The following TENM3 variants were observed in gnomAD, a reference collection of about 807,000 sequenced individuals.
TENM3 encodes teneurin-3.
In TENM3, 63 loss-of-function variants were observed where a neutral mutation model predicts 255.1. That is an observed-to-expected ratio of 0.25 (90% confidence interval 0.20 to 0.30). The LOEUF is 0.30. Among genes scored for constraint, TENM3 ranks in the 10% least tolerant of loss-of-function variants. The pLI, the probability that TENM3 is intolerant of heterozygous loss-of-function variation, is 1.00. For missense variants in TENM3, 2,929 were observed against 3,461.1 expected (o/e 0.85, Z 3.86); for synonymous variants, 1,306 against 1,322.3 (o/e 0.99, Z 0.27).
chr4:181,506,644 C>A, the TENM3 span, among the ~76,000 whole-genome samples: 2 of 151,544 alleles, frequency 1.3e-5, no homozygotes, highest in African/African-American at 4.8e-5. Context: ...CAGTGCCTCA[C>A]CATGCATGTC....
chr4:181,920,687 T>A, the TENM3 span, among the ~76,000 whole-genome samples: 7 of 151,912 alleles, frequency 4.6e-5, no homozygotes, highest in African/African-American at 1.7e-4. Flanking sequence ...GTAGGTTGCC[T>A]GTTCACTCTG....
the TENM3 span, chr4:181,980,362 G>C: frequency 5.9e-5 from 9 of 152,118 alleles, no homozygotes; most frequent in Non-Finnish European, 1.2e-4. Flanking sequence ...GTCTGGAAGG[G>C]GAGTCCAGGC....
At chr4:182,151,044 G>A (rs1026274415) in intron 1 of TENM3, among the ~76,000 whole-genome samples, 1 of 152,104 alleles carries the variant, frequency 6.6e-6, no homozygotes, top group Non-Finnish European at 1.5e-5. Context: ...CCCCCTCTCT[G>A]CATAAGGAGG....
At chr4:182,381,301 C>T (rs1488075465) in intron 3 of TENM3, among the ~76,000 whole-genome samples, 1 of 152,130 alleles carries the variant, frequency 6.6e-6, no homozygotes, top group African/African-American at 2.4e-5. Context: ...CTGACCACTC[C>T]AGTTAGTTAT....
At chr4:182,733,865 C>G (rs1052284021) in intron 16 of TENM3, among the ~76,000 whole-genome samples, 4 of 152,274 alleles carry the variant, frequency 2.6e-5, no homozygotes, top group Admixed American at 1.3e-4. Context: ...ATAGACTTTA[C>G]CTAGAGTCAG....
At position 182,397,398 on chromosome 4, in the gene TENM3, T is replaced by TAAAAAAAAAAAAA. The variant is rs144177808; in HGVS notation, c.511+50488_511+50500dup. Among the ~76,000 whole-genome samples, 43 of 48,978 alleles carry TAAAAAAAAAAAAA rather than the reference T, an allele frequency of 8.8e-4. 2 individuals carry two copies. Among genetic ancestry groups the TAAAAAAAAAAAAA allele is most frequent in the Non-Finnish European group, 1.5e-3 (38 of 25,978 alleles). The allele number at this position is 48,978 out of a possible 152,430, so 32.1% of individuals were successfully genotyped here. A position where few individuals can be genotyped will look rare whatever the true frequency, so the allele number is the denominator to read the frequency against. On this transcript the variant is annotated intron_variant, in intron 3 of 27. Coordinates refer to ENST00000511685, the MANE Select transcript of TENM3 (RefSeq NM_001080477.4). ...CCTGGTGACAGAGCGAGACTCCATCTAAAAAAAAAAAAAAAAAAAAAAAAA... is the reference window on the plus strand; with the variant it reads ...CCTGGTGACAGAGCGAGACTCCATCTAAAAAAAAAAAAAAAAAAAAAAAAAAAAAAAAAAAAAA...
At chr4:181,545,845 T>G in the TENM3 span, among the ~76,000 whole-genome samples, 119 of 150,264 alleles carry the variant, frequency 7.9e-4, 2 homozygotes, top group Non-Finnish European at 4.4e-5. Flanking sequence ...TACTTTGATT[T>G]GAAGAAAGAA....
intron 24 of TENM3, among the ~76,000 whole-genome samples, chr4:182,780,069 A>C (rs1333403111): frequency 6.6e-6 from 1 of 151,392 alleles, no homozygotes; most frequent in Non-Finnish European, 1.5e-5. Context: ...ATTAGATCCC[A>C]TTTGTCAATT....
the TENM3 span, among the ~76,000 whole-genome samples, chr4:182,089,089 G>A: frequency 6.6e-6 from 1 of 152,134 alleles, no homozygotes; most frequent in Non-Finnish European, 1.5e-5. Context: ...ACTGGGAAGT[G>A]GGCCCTCACC....
At chr4:182,321,836 T>C (rs1338836351) in intron 1 of TENM3, among the ~76,000 whole-genome samples, 1 of 151,240 alleles carries the variant, frequency 6.6e-6, no homozygotes, top group Non-Finnish European at 1.5e-5. Context: ...TCCCAGTTAC[T>C]TGGGAGGCTG....
chr4:182,126,750 A>G, the TENM3 span, among the ~76,000 whole-genome samples: 62,252 of 151,932 alleles, frequency 0.41, 12,944 homozygotes, highest in Admixed American at 0.5. Flanking sequence ...GTTGAAGTGA[A>G]AAAAGAACCC....
the TENM3 span, among the ~76,000 whole-genome samples, chr4:181,974,511 T>C: frequency 6.6e-6 from 1 of 152,198 alleles, no homozygotes; most frequent in East Asian, 1.9e-4. Context: ...GAGGTTGCAG[T>C]GAGCCGAGAT....
At chr4:182,639,499 T>C (rs764087102) in intron 5 of TENM3, among the ~76,000 whole-genome samples, 1 of 152,196 alleles carries the variant, frequency 6.6e-6, no homozygotes, top group East Asian at 1.9e-4. Flanking sequence ...AAGAAAAATC[T>C]TAGGCCCAGA....
At chr4:182,174,650 G>A (rs1269313358) in intron 1 of TENM3, among the ~76,000 whole-genome samples, 1 of 152,022 alleles carries the variant, frequency 6.6e-6, no homozygotes, top group Non-Finnish European at 1.5e-5. Context: ...GGAGGCAGTT[G>A]AATGCGTATT....
chr4:182,766,747 A>AG (rs1388886386), intron 22 of TENM3, among the ~76,000 whole-genome samples: 1 of 152,088 alleles, frequency 6.6e-6, no homozygotes, highest in Non-Finnish European at 1.5e-5. Flanking sequence ...TTTGAAAAAA[A>AG]AAAGAATAGC....
chr4:182,775,669 G>A (rs1269588862), intron 24 of TENM3, among the ~76,000 whole-genome samples: 2 of 152,158 alleles, frequency 1.3e-5, no homozygotes, highest in Admixed American at 6.5e-5. Flanking sequence ...ACATGCACGT[G>A]TGCACACAGC....
the TENM3 span, among the ~76,000 whole-genome samples, chr4:181,822,752 A>C: frequency 6.6e-6 from 1 of 152,206 alleles, no homozygotes; most frequent in Non-Finnish European, 1.5e-5. Flanking sequence ...GAATTTCCAA[A>C]TATAAGGCAT....
chr4:182,391,869 C>CAA (rs144417819), intron 3 of TENM3, among the ~76,000 whole-genome samples: 2 of 143,156 alleles, frequency 1.4e-5, no homozygotes, highest in African/African-American at 5.1e-5. Context: ...ACAAAATGGG[C>CAA]AAAAAAAAAA....
At chr4:182,198,049 G>A (rs569362039) in intron 1 of TENM3, among the ~76,000 whole-genome samples, 169 of 152,202 alleles carry the variant, frequency 1.1e-3, no homozygotes, top group Middle Eastern at 0.01. Context: ...AGCTTGCAGT[G>A]AGCCAAGATC....
Sources: allele counts gnomAD v4.1 joint callset (sites outside exome capture counted in the v4.1 genomes callset), GRCh38; gene constraint gnomAD v4.1.1; transcripts MANE v1.5; gene names NCBI Gene and HGNC (gene_info 2026-07-23, HGNC 2026-07-21).